Variants in PROX2 observed in about 807,000 individuals in gnomAD.
PROX2 encodes prospero homeobox 2.
In PROX2, 46 loss-of-function variants were observed where a neutral mutation model predicts 48.9. That is an observed-to-expected ratio of 0.94 (90% CI 0.74 to 1.20). The LOEUF (loss-of-function observed/expected upper bound fraction) is 1.20, where lower values mean the gene tolerates loss of function less well. Ranked by LOEUF, PROX2 falls within the 50% of genes most tolerant of loss-of-function variation. The probability of loss-of-function intolerance (pLI) is 0.00; values close to 1 mark genes in which losing one functional copy is unlikely to be tolerated. For missense variants in PROX2, 663 were observed against 719.4 expected, an observed-to-expected ratio of 0.92 and a Z score of 0.90; for synonymous variants, 260 against 276.6, an observed-to-expected ratio of 0.94 and a Z score of 0.60.
intron 3 of PROX2, chr14:74,858,759 A>G (rs2091767639): frequency 2.2e-6 from 1 of 444,558 alleles, no homozygotes; most frequent in African/African-American, 2.1e-5. Context: ...AGATGATGTC[A>G]AATACAGGTT....
At chr14:74,857,446 C>A (rs2091753078) in intron 4 of PROX2, 1 of 154,846 alleles carries the variant, frequency 6.5e-6, no homozygotes, top group South Asian at 2.0e-4. Context: ...GAATTGAAAT[C>A]AAAATCAGAG....
chr14:74,859,260 A>C (rs912896526), intron 3 of PROX2: 1 of 152,248 alleles, frequency 6.6e-6, no homozygotes, highest in Non-Finnish European at 1.5e-5. Flanking sequence ...ACCCTGGGCT[A>C]TGAAGACTCT....
rs765461770 is a variant in PROX2, at chr14:74,863,062, C to G, written c.773G>C (p.Arg258Thr). 2 of 1,613,952 alleles carry G rather than the reference C, an allele frequency of 1.2e-6. No homozygotes were observed. The highest frequency in any genetic ancestry group is 2.2e-5 in the East Asian group (1 of 44,888). The change falls in exon 3 of 6, where the codon AGA (arginine) becomes ACA (threonine). Residue 258 changes from arginine to threonine, a missense_variant. Coordinates refer to ENST00000556489, the MANE Select transcript of PROX2 (RefSeq NM_001243007.2). Reference protein sequence around the residue: ...DPPGHLTQLGRSFQGQVAEGR... With the variant: ...DPPGHLTQLGTSFQGQVAEGR... ...CTCTGCCACCTGCCCCTGGAAGCTT[C>G]TGCCCAGCTGAGTCAGGTGGCCTGG...
chr14:74,872,108 T>C (rs1883230215), intron 1 of PROX2, among the ~76,000 whole-genome samples: 1 of 152,208 alleles, frequency 6.6e-6, no homozygotes, highest in Non-Finnish European at 1.5e-5. Flanking sequence ...TTTGATGCGC[T>C]TCAGCTGGGT....
In PROX2 at chr14:74,863,031, T is replaced by C. The variant is rs1226491234; in HGVS notation, c.804A>G (p.Arg268=). 1 of 1,613,948 alleles carries C rather than the reference T, an allele frequency of 6.2e-7. No individual in the cohort carries two copies. Among genetic ancestry groups the C allele is most frequent in the South Asian group, 1.1e-5 (1 of 91,084 alleles). ...RSFQGQVAEG[R]SEPSPPVGGA... is the part of the protein sequence containing the mutation. ...CTCCCACAGGAGGTGAGGGCTCGCT[T>C]CTACCCTCTGCCACCTGCCCCTGGA... Residue 268 remains arginine (R), a synonymous_variant, in exon 3 of 6, where the codon AGA becomes AGG. Transcript: ENST00000556489.
At chr14:74,862,236 T>G (rs1413488018) in intron 3 of PROX2, among the ~76,000 whole-genome samples, 1 of 152,258 alleles carries the variant, frequency 6.6e-6, no homozygotes, top group African/African-American at 2.4e-5. Context: ...ATTGTCTCTC[T>G]CTGTTGCCCA....
In PROX2 at chr14:74,856,979, G is replaced by A. The variant is rs777509927; in HGVS notation, c.1430C>T (p.Thr477Ile). 1 of 1,613,922 alleles carries A rather than the reference G, an allele frequency of 6.2e-7. No individual in the cohort carries two copies. The highest frequency in any genetic ancestry group is 1.3e-5 in the African/African-American group (1 of 75,024). Residue 477 changes from threonine (T) to isoleucine (I), a missense_variant, in exon 5 of 6, where the codon ACC becomes ATC. Coordinates refer to ENST00000556489, the MANE Select transcript of PROX2 (RefSeq NM_001243007.2). ...FPDVQFNRCI[T>I]SQMIKWFSNF... ...GCTGAACCACTTGATCATCTGGGAGGTAATGCAGCGGTTGAACTGTACAAA... is the reference window on the plus strand; with the variant it reads ...GCTGAACCACTTGATCATCTGGGAGATAATGCAGCGGTTGAACTGTACAAA...
At chr14:74,861,788 T>G (rs952064210) in intron 3 of PROX2, among the ~76,000 whole-genome samples, 2 of 152,236 alleles carry the variant, frequency 1.3e-5, no homozygotes, top group African/African-American at 4.8e-5. Context: ...AAGTTTCTTG[T>G]TCCTCATCTG....
Position 74,862,800 on chromosome 14 carries a change from A to C in PROX2, c.1035T>G (p.Ile345Met). 6.2e-7 allele frequency: 1 copy of C among 1,613,922 alleles called. No individual in the cohort carries two copies. The highest frequency in any genetic ancestry group is 1.3e-5 in the African/African-American group (1 of 74,996). Residue 345 changes from isoleucine to methionine, a missense_variant, in exon 3 of 6, where the codon ATT (isoleucine) becomes ATG (methionine). Physicochemically the swap from Ile to Met is conservative, Grantham distance 10 (BLOSUM62 1). Coordinates refer to ENST00000556489, the MANE Select transcript of PROX2 (RefSeq NM_001243007.2). Reference sequence around the variant, plus strand: ...ATCTATGACCCAGTAGCTGGCTAAGAATCTGATTTTCCTGGATGTGGGAAG... The same window carrying C: ...ATCTATGACCCAGTAGCTGGCTAAGCATCTGATTTTCCTGGATGTGGGAAG... ...TAPSHIQENQ[I>M]LSQLLGHRYN...
intron 5 of PROX2, chr14:74,856,505 A>C: frequency 1.2e-5 from 4 of 324,794 alleles, no homozygotes; most frequent in Non-Finnish European, 2.3e-5. Context: ...CAAAAAGGTC[A>C]GGAAGTTATG....
At chr14:74,866,850 CTGA>C (rs1315838725) in intron 2 of PROX2, among the ~76,000 whole-genome samples, 1 of 152,124 alleles carries the variant, frequency 6.6e-6, no homozygotes. Flanking sequence ...TATTTGTAGG[CTGA>C]TAACAATGTT....
intron 5 of PROX2, 73 bp from the exon 6 acceptor site, chr14:74,855,375 A>C (rs1024224739): frequency 7.9e-7 from 1 of 1,273,540 alleles, no homozygotes; most frequent in Non-Finnish European, 1.1e-6. Flanking sequence ...AGCCCTCACT[A>C]GCGGGTGCTG....
At position 74,858,389 on chromosome 14, in the gene PROX2, T is replaced by G; in HGVS notation, c.1413+18A>C. Reference sequence around the variant, plus strand: ...TTGGGAGTTCTGCAGAAGCTGCCATTTAGTTGAGTGACTTTACCTGAACAT... The same window carrying G: ...TTGGGAGTTCTGCAGAAGCTGCCATGTAGTTGAGTGACTTTACCTGAACAT... On this transcript the variant is annotated intron_variant, in intron 4 of 5. Transcript: ENST00000556489. The G allele has an allele frequency of 6.8e-7, 1 of 1,473,092 alleles. No individual in the cohort carries two copies. Among genetic ancestry groups the G allele is most frequent in the Non-Finnish European group, 9.3e-7 (1 of 1,072,674 alleles). 91.3% of individuals were successfully genotyped at this position (1,473,092 alleles called of 1,614,324 possible). A position where few individuals can be genotyped will look rare whatever the true frequency, so the allele number is the denominator to read the frequency against.
chr14:74,874,784 C>T (rs1229561213), intron 1 of PROX2, among the ~76,000 whole-genome samples: 2 of 152,198 alleles, frequency 1.3e-5, no homozygotes, highest in South Asian at 2.1e-4. Context: ...AGACTACTAT[C>T]TACCATCACT....
In PROX2 at chr14:74,856,983, T is replaced by G. The variant is rs746451795; in HGVS notation, c.1426A>C (p.Ile476Leu). 2 of 1,613,930 alleles carry G rather than the reference T, an allele frequency of 1.2e-6. No individual in the cohort carries two copies. The highest frequency in any genetic ancestry group is 3.3e-5 in the Admixed American group (2 of 60,006). ...YFPDVQFNRC[I>L]TSQMIKWFSN... is the part of the protein sequence containing the mutation. ...AACCACTTGATCATCTGGGAGGTAATGCAGCGGTTGAACTGTACAAACAAG... is the reference window on the plus strand; with the variant it reads ...AACCACTTGATCATCTGGGAGGTAAGGCAGCGGTTGAACTGTACAAACAAG... Residue 476 changes from isoleucine to leucine, a missense_variant, in exon 5 of 6, where the codon ATT becomes CTT. Coordinates refer to ENST00000556489, the MANE Select transcript of PROX2 (RefSeq NM_001243007.2).
At chr14:74,856,468 T>A in intron 5 of PROX2, 1 of 227,874 alleles carries the variant, frequency 4.4e-6, no homozygotes, top group Non-Finnish European at 8.6e-6. Flanking sequence ...AGCTCAGCAT[T>A]CAGTCCTGAG....
chr14:74,864,756 C>A (rs1468139253), intron 2 of PROX2, among the ~76,000 whole-genome samples: 1 of 151,992 alleles, frequency 6.6e-6, no homozygotes, highest in African/African-American at 2.4e-5. Flanking sequence ...GCAGGAAAAT[C>A]ACTTGATCCT....
chr14:74,855,053 G>A lies in PROX2; in HGVS notation c.*79C>T, dbSNP rs2091731486. 1.0e-6 allele frequency: 1 copy of A among 994,696 alleles called. No homozygotes were observed. The highest frequency in any genetic ancestry group is 1.4e-6 in the Non-Finnish European group (1 of 716,086). The allele number at this position is 994,696 out of a possible 1,614,324, so 61.6% of individuals were successfully genotyped here. ...CTTGTGCCCTTTTTATATGACTACA[G>A]CTAAATTGCCCTTTAAGACAAACCC... On this transcript the variant is annotated 3_prime_UTR_variant, in exon 6 of 6. Transcript: ENST00000556489.
At position 74,862,984 on chromosome 14, in the gene PROX2, G is replaced by A; in HGVS notation, c.851C>T (p.Ala284Val). 1 of 1,614,020 alleles carries A rather than the reference G, an allele frequency of 6.2e-7. No homozygotes were observed. The highest frequency in any genetic ancestry group is 1.1e-5 in the South Asian group (1 of 91,088). The change falls in exon 3 of 6, where the codon GCT becomes GTT. Residue 284 changes from alanine to valine, a missense_variant. By Grantham distance (64) the Ala-to-Val change is moderately conservative. Coordinates refer to ENST00000556489, the MANE Select transcript of PROX2 (RefSeq NM_001243007.2). ...PVGGACKDPL[A>V]LAALPRRVQL... ...GACCCTCCTGGGCAAGGCAGCCAAAGCAAGTGGATCTTTACAGGCCCCTCC... is the reference window on the plus strand; with the variant it reads ...GACCCTCCTGGGCAAGGCAGCCAAAACAAGTGGATCTTTACAGGCCCCTCC...
Sources: allele counts gnomAD v4.1 joint callset (sites outside exome capture counted in the v4.1 genomes callset), GRCh38; gene constraint gnomAD v4.1.1; transcripts MANE v1.5; gene names NCBI Gene and HGNC (gene_info 2026-07-23, HGNC 2026-07-21).